LPA: variants seen among roughly 807,000 people sequenced by gnomAD.
LPA encodes apolipoprotein(a).
Under a neutral mutation model 197.9 loss-of-function variants are expected in LPA, and 199 were observed. The ratio of observed to expected loss-of-function variants is 1.01; its 90% confidence interval spans 0.90 to 1.13. The LOEUF (loss-of-function observed/expected upper bound fraction) is 1.13. LPA is among the 50% of genes most tolerant of loss of function. The probability of loss-of-function intolerance (pLI) is 0.00; values close to 1 mark genes in which losing one functional copy is unlikely to be tolerated. For missense variants in LPA, 1,853 were observed against 1,785.8 expected (o/e 1.04, Z -0.68); for synonymous variants, 715 against 639.5 (o/e 1.12, Z -1.78).
intron 34 of LPA, among the ~76,000 whole-genome samples, chr6:160,541,385 T>A (rs538401994): frequency 2.0e-5 from 3 of 152,290 alleles, no homozygotes; most frequent in Admixed American, 2.0e-4. Context: ...TCTGTGCCAC[T>A]TTTTTTGATG....
intron 28 of LPA, among the ~76,000 whole-genome samples, chr6:160,572,680 G>C (rs1044280281): frequency 2.0e-5 from 3 of 152,120 alleles, no homozygotes; most frequent in Non-Finnish European, 2.9e-5. Context: ...ACTTTCGCTG[G>C]ATACAAAATT....
At chr6:160,565,221 C>T (rs1778430268) in intron 28 of LPA, among the ~76,000 whole-genome samples, 1 of 152,194 alleles carries the variant, frequency 6.6e-6, no homozygotes, top group East Asian at 1.9e-4. Context: ...GACAGACTGC[C>T]TCCTCAAGTG....
intron 17 of LPA, 80 bp from the exon 18 acceptor site, chr6:160,605,285 GA>G (rs1166762778): frequency 8.9e-5 from 136 of 1,530,546 alleles, no homozygotes; most frequent in Non-Finnish European, 1.2e-4. Context: ...GCACAAACCA[GA>G]AAAAAGTCTC....
chr6:160,600,873 C>T (rs370598750), intron 19 of LPA, 44 bp downstream of exon 19: 11 of 1,604,464 alleles, frequency 6.9e-6, no homozygotes, highest in Non-Finnish European at 9.4e-6. Flanking sequence ...CATGGCTTTT[C>T]ATCCCAGCAT....
intron 19 of LPA, 63 bp downstream of exon 19, chr6:160,600,854 G>T: frequency 6.4e-6 from 10 of 1,553,026 alleles, no homozygotes; most frequent in Non-Finnish European, 8.9e-6. Context: ...GTGCGTCAGT[G>T]GGGGTATCCA....
chr6:160,654,056 TTATA>T (rs1280329987), intron 1 of LPA, among the ~76,000 whole-genome samples: 102 of 6,946 alleles, frequency 0.015, 13 homozygotes, highest in Admixed American at 0.068. Context: ...ATATAATATA[TTATA>T]TATATTATAT....
intron 28 of LPA, among the ~76,000 whole-genome samples, chr6:160,575,659 C>A (rs1274535466): frequency 1.3e-5 from 2 of 152,060 alleles, no homozygotes; most frequent in Non-Finnish European, 2.9e-5. Flanking sequence ...TACTGAATGC[C>A]CAAGATTTGC....
intron 18 of LPA, among the ~76,000 whole-genome samples, chr6:160,602,370 G>A (rs6455692): frequency 0.4 from 60,939 of 151,918 alleles, 12,529 homozygotes; most frequent in African/African-American, 0.49. Flanking sequence ...ACATACCATC[G>A]TGGATAAGGT....
intron 16 of LPA, among the ~76,000 whole-genome samples, 194 bp from the exon 17 acceptor site, chr6:160,606,852 GATT>G (rs994508517): frequency 2.6e-5 from 4 of 151,930 alleles, no homozygotes; most frequent in African/African-American, 9.7e-5. Context: ...ATACTTAAAA[GATT>G]ATTATTATAA....
intron 1 of LPA, among the ~76,000 whole-genome samples, chr6:160,663,171 C>A (rs1428949082): frequency 2.0e-5 from 3 of 152,222 alleles, no homozygotes; most frequent in Non-Finnish European, 4.4e-5. Context: ...GCTTTGGAAG[C>A]AAATCACTTT....
intron 26 of LPA, among the ~76,000 whole-genome samples, chr6:160,579,530 A>T (rs1009592721): frequency 6.6e-6 from 1 of 152,198 alleles, no homozygotes; most frequent in Non-Finnish European, 1.5e-5. Flanking sequence ...AGACTATGGG[A>T]TCTGAAGGGG....
At chr6:160,557,079 C>G (rs894452882) in intron 29 of LPA, among the ~76,000 whole-genome samples, 1 of 152,144 alleles carries the variant, frequency 6.6e-6, no homozygotes, top group Non-Finnish European at 1.5e-5. Context: ...GAAACACTCA[C>G]TAGTGTGAAA....
At chr6:160,599,450 G>C (rs778921734) in intron 20 of LPA, 50 bp downstream of exon 20, 4 of 1,609,630 alleles carry the variant, frequency 2.5e-6, no homozygotes, top group Non-Finnish European at 3.4e-6. Flanking sequence ...TCTTCTAACA[G>C]AAACTTCCAT....
intron 20 of LPA, among the ~76,000 whole-genome samples, chr6:160,599,214 G>T (rs917168607): frequency 6.6e-6 from 1 of 152,136 alleles, no homozygotes; most frequent in Non-Finnish European, 1.5e-5. Flanking sequence ...GTGGTGGTGG[G>T]TGCCTGTAGT....
In LPA at chr6:160,605,148, T is replaced by C; in HGVS notation, c.2843A>G (p.Tyr948Cys). The C allele has an allele frequency of 6.2e-7, 1 of 1,614,020 alleles. No individual in the cohort carries two copies. Among genetic ancestry groups the C allele is most frequent in the Non-Finnish European group, 8.5e-7 (1 of 1,179,886 alleles). ...GACAGTAATGAAGTATGTGCCTTGA[T>C]AACTCTGTCCATTTCCGTGGTAGCA... ...QECYHGNGQS[Y>C]QGTYFITVTG... The change falls in exon 18 of 39, where the codon TAT becomes TGT. Residue 948 changes from tyrosine to cysteine, a missense_variant. Around this residue, in one of 3 missense-constraint regions of LPA, gnomAD observed 1,737 missense variants for 1,504.4 expected, o/e 1.15. Coordinates refer to ENST00000316300, the MANE Select transcript of LPA (RefSeq NM_005577.4).
At chr6:160,548,063 T>G in intron 31 of LPA, 126 bp from the exon 32 acceptor site, 5 of 911,150 alleles carry the variant, frequency 5.5e-6, no homozygotes, top group Non-Finnish European at 8.7e-6. Context: ...AGGGGCCACA[T>G]CCCTCAGGAG....
At position 160,534,425 on chromosome 6, in the gene LPA, C is replaced by T. The variant is rs114020539; in HGVS notation, c.5843-1776G>A. ...TGGCACCTCTGAGGGCAGGGTGGGC[C>T]ACAGGTAACCTGAGGATTGAAGCCC... is the stretch of plus-strand genomic sequence containing the variant. On this transcript the variant is annotated intron_variant, in intron 37 of 38. Coordinates refer to ENST00000316300, the MANE Select transcript of LPA (RefSeq NM_005577.4). Among the ~76,000 whole-genome samples the T allele has an allele frequency of 6.4e-3, 979 of 152,202 alleles. 13 individuals carry two copies. The highest frequency in any genetic ancestry group is 0.023 in the African/African-American group (952 of 41,532).
chr6:160,606,858 T>A (rs905145105), intron 16 of LPA, among the ~76,000 whole-genome samples, 200 bp from the exon 17 acceptor site: 4 of 152,086 alleles, frequency 2.6e-5, no homozygotes, highest in African/African-American at 4.8e-5. Flanking sequence ...AAAAGATTAT[T>A]ATTATAAAAA....
chr6:160,647,277 A>T (rs192969332), intron 2 of LPA, among the ~76,000 whole-genome samples: 1 of 152,160 alleles, frequency 6.6e-6, no homozygotes, highest in African/African-American at 2.4e-5. Context: ...ATGAATTAGG[A>T]GGCAAAGCAG....
Sources: gnomAD v4.1 joint callset for allele counts (sites outside exome capture counted in the v4.1 genomes callset) on GRCh38, gnomAD v4.1.1 for gene constraint, gnomAD v4.1.1 regional missense constraint, MANE v1.5 for transcripts, NCBI Gene and HGNC (gene_info 2026-07-23, HGNC 2026-07-21) for gene names.